The following TACR1 variants were observed in gnomAD, a reference collection of about 807,000 sequenced individuals.
The protein encoded by TACR1 is substance-P receptor.
Under a neutral mutation model 35.8 loss-of-function variants are expected in TACR1, and 25 were observed. The ratio of observed to expected loss-of-function variants is 0.70; its 90% CI spans 0.51 to 0.98. The LOEUF (loss-of-function observed/expected upper bound fraction) is 0.98. Ranked by LOEUF, TACR1 falls within the 50% of genes least tolerant of loss-of-function variation. The pLI, the probability that TACR1 is intolerant of heterozygous loss-of-function variation, is 0.00. For synonymous variants in TACR1, 195 were observed against 206.7 expected, an observed-to-expected ratio of 0.94 and a Z score of 0.48; for missense variants, 478 against 522.9, an observed-to-expected ratio of 0.91 and a Z score of 0.84.
intron 1 of TACR1, among the ~76,000 whole-genome samples, chr2:75,193,095 G>A (rs1305146267): frequency 6.6e-6 from 1 of 151,186 alleles, no homozygotes; most frequent in Non-Finnish European, 1.5e-5. Context: ...CTCCCCTACT[G>A]CCCTCCCTCT....
At position 75,057,307 on chromosome 2, in the gene TACR1, A is replaced by T. The variant is rs140332664; in HGVS notation, c.585-3552T>A. ...GTCCCCCGCCCCTGCCCACCAGGGA[A>T]CAACCCCCTTTGACTGTAATTTTCC... is the stretch of plus-strand genomic sequence containing the variant. On this transcript the variant is annotated intron_variant, in intron 2 of 4. Transcript: ENST00000305249. Among the ~76,000 whole-genome samples, 973 of 152,222 alleles carry T rather than the reference A, an allele frequency of 6.4e-3. 14 individuals carry two copies. Among genetic ancestry groups the T allele is most frequent in the African/African-American group, 0.022 (924 of 41,532 alleles).
intron 1 of TACR1, among the ~76,000 whole-genome samples, chr2:75,126,243 T>C (rs1025360132): frequency 1.3e-5 from 2 of 152,114 alleles, no homozygotes; most frequent in Admixed American, 1.3e-4. Flanking sequence ...TCCCGTAAAA[T>C]ACACGATTTC....
chr2:75,120,652 G>A lies in TACR1; in HGVS notation c.506C>T (p.Ser169Leu). The part of the protein sequence containing the change: ...LLLAFPQGYY[S>L]TTETMPSRVV... Reference sequence around the variant, plus strand: ...TCTGCTGGGCATGGTCTCTGTGGTTGAGTAGTAGCCCTGGGGGAAGGCCAG... The same window carrying A: ...TCTGCTGGGCATGGTCTCTGTGGTTAAGTAGTAGCCCTGGGGGAAGGCCAG... Residue 169 changes from serine to leucine, a missense_variant, in exon 2 of 5, where the codon TCA becomes TTA. By Grantham distance (145) the Ser-to-Leu change is moderately radical. Coordinates refer to ENST00000305249, the MANE Select transcript of TACR1 (RefSeq NM_001058.4). 2 of 1,614,100 alleles carry A rather than the reference G, an allele frequency of 1.2e-6. No homozygotes were observed. Among genetic ancestry groups the A allele is most frequent in the Non-Finnish European group, 1.7e-6 (2 of 1,180,016 alleles).
chr2:75,083,532 G>A (rs1478600800), intron 2 of TACR1, among the ~76,000 whole-genome samples: 3 of 152,044 alleles, frequency 2.0e-5, no homozygotes, highest in East Asian at 3.9e-4. Flanking sequence ...GGCCATTTTC[G>A]TGATATTGAT....
chr2:75,081,877 A>G (rs2103834472), intron 2 of TACR1, among the ~76,000 whole-genome samples: 1 of 151,866 alleles, frequency 6.6e-6, no homozygotes, highest in East Asian at 1.9e-4. Flanking sequence ...AGTAGCTTGT[A>G]GAAGGGAGAA....
intron 1 of TACR1, among the ~76,000 whole-genome samples, chr2:75,173,018 C>T (rs1675327506): frequency 6.6e-6 from 1 of 152,030 alleles, no homozygotes; most frequent in African/African-American, 2.4e-5. Flanking sequence ...ATCCTATCAG[C>T]AAATAAGGCC....
At chr2:75,094,427 G>A (rs1353374273) in intron 2 of TACR1, among the ~76,000 whole-genome samples, 3 of 152,094 alleles carry the variant, frequency 2.0e-5, no homozygotes, top group Non-Finnish European at 4.4e-5. Flanking sequence ...TGTAGTCCAG[G>A]GACCACAGTG....
chr2:75,122,836 A>G (rs1673996463), intron 1 of TACR1, among the ~76,000 whole-genome samples: 1 of 152,230 alleles, frequency 6.6e-6, no homozygotes, highest in South Asian at 2.1e-4. Flanking sequence ...GACTACTGCC[A>G]AGGCAGGTCC....
At chr2:75,063,984 G>A (rs1446446658) in intron 2 of TACR1, among the ~76,000 whole-genome samples, 1 of 152,086 alleles carries the variant, frequency 6.6e-6, no homozygotes, top group African/African-American at 2.4e-5. Context: ...TAAATCCACT[G>A]GCCCTTCCCA....
At chr2:75,110,308 A>G (rs2103887113) in intron 2 of TACR1, among the ~76,000 whole-genome samples, 1 of 152,066 alleles carries the variant, frequency 6.6e-6, no homozygotes, top group Non-Finnish European at 1.5e-5. Context: ...TTCAAGTGAT[A>G]ATATTTTTAT....
intron 1 of TACR1, 93 bp from the exon 2 acceptor site, chr2:75,120,861 G>A: frequency 3.0e-6 from 3 of 1,000,306 alleles, no homozygotes; most frequent in South Asian, 3.9e-5. Flanking sequence ...AAAATTCATA[G>A]AAACCCTTTG....
intron 2 of TACR1, among the ~76,000 whole-genome samples, chr2:75,071,582 T>C (rs1264280563): frequency 1.3e-5 from 2 of 152,214 alleles, no homozygotes; most frequent in African/African-American, 4.8e-5. Context: ...AGACCTCACA[T>C]ATCTTTCTTC....
intron 2 of TACR1, among the ~76,000 whole-genome samples, chr2:75,114,189 C>T (rs182381591): frequency 6.6e-6 from 1 of 152,278 alleles, no homozygotes; most frequent in Non-Finnish European, 1.5e-5. Context: ...CTAACATAGC[C>T]TCCTCTCCCA....
intron 1 of TACR1, among the ~76,000 whole-genome samples, chr2:75,145,561 T>C (rs967003034): frequency 4.6e-5 from 7 of 152,204 alleles, no homozygotes; most frequent in African/African-American, 1.4e-4. Context: ...TCAATAACTT[T>C]TCTATATAAC....
At chr2:75,178,214 G>A (rs554063794) in intron 1 of TACR1, among the ~76,000 whole-genome samples, 222 of 147,548 alleles carry the variant, frequency 1.5e-3, no homozygotes, top group African/African-American at 5.1e-3. Flanking sequence ...ACAGAGTTTC[G>A]CTCTTTGTTG....
At chr2:75,063,183 G>T (rs13430114) in intron 2 of TACR1, among the ~76,000 whole-genome samples, 8,847 of 152,182 alleles carry the variant, frequency 0.058, 752 homozygotes, top group African/African-American at 0.18. Flanking sequence ...ACAACACGTG[G>T]GAATTCAAGA....
chr2:75,062,845 C>T (rs1357584890), intron 2 of TACR1, among the ~76,000 whole-genome samples: 2 of 152,168 alleles, frequency 1.3e-5, no homozygotes, highest in African/African-American at 4.8e-5. Flanking sequence ...TGGTTCTCTA[C>T]TTTAATTATA....
At chr2:75,151,878 C>T (rs573479844) in intron 1 of TACR1, among the ~76,000 whole-genome samples, 2 of 152,312 alleles carry the variant, frequency 1.3e-5, no homozygotes, top group African/African-American at 4.8e-5. Flanking sequence ...TGGGAACCTA[C>T]CTCTTGCATC....
intron 1 of TACR1, among the ~76,000 whole-genome samples, chr2:75,125,609 A>G (rs925385312): frequency 6.6e-6 from 1 of 152,206 alleles, no homozygotes. Flanking sequence ...ATATCTTGGC[A>G]CATAGCAGTG....
Sources: gnomAD v4.1 joint callset for allele counts (sites outside exome capture counted in the v4.1 genomes callset) on GRCh38, gnomAD v4.1.1 for gene constraint, MANE v1.5 for transcripts, NCBI Gene and HGNC (gene_info 2026-07-23, HGNC 2026-07-21) for gene names.